Variants in SERPINA12 observed in about 807,000 individuals in gnomAD.
SERPINA12 encodes serpin family A member 12.
A neutral mutation model predicts 25.9 loss-of-function variants in SERPINA12; 21 were observed. The ratio of observed to expected loss-of-function variants is 0.81; its 90% CI spans 0.58 to 1.17. The LOEUF (loss-of-function observed/expected upper bound fraction) is 1.17. Ranked by LOEUF, SERPINA12 falls within the 50% of genes most tolerant of loss-of-function variation. The pLI is 0.00. For synonymous variants in SERPINA12, 220 were observed against 196.0 expected (o/e 1.12, Z -1.02); for missense variants, 562 against 508.3 (o/e 1.11, Z -1.02).
At chr14:94,510,343 G>A (rs900989855), upstream of SERPINA12, 1 of 836,680 alleles carries the variant, frequency 1.2e-6, no homozygotes, top group Non-Finnish European at 1.4e-6. Context: ...TAAAAAAAGA[G>A]CATTTGCTCA....
At chr14:94,507,722 C>A (rs1900981113) in intron 1 of SERPINA12, among the ~76,000 whole-genome samples, 1 of 152,152 alleles carries the variant, frequency 6.6e-6, no homozygotes, top group Admixed American at 6.5e-5. Context: ...GTGGAACTCT[C>A]TTATATTGCG....
At chr14:94,515,901 G>A (rs1901220900) in exon 2 of SERPINA12, 2 of 152,312 alleles carry the variant, frequency 1.3e-5, no homozygotes, top group South Asian at 4.2e-4. Flanking sequence ...CCACTTCCTG[G>A]GATATTTGGA....
chr14:94,494,215 C>T (rs995966758), intron 3 of SERPINA12, among the ~76,000 whole-genome samples: 1 of 152,218 alleles, frequency 6.6e-6, no homozygotes, highest in African/African-American at 2.4e-5. Flanking sequence ...GTTCTACACC[C>T]CCCAGTTCCC....
At chr14:94,510,089 A>G (rs1353119005), upstream of SERPINA12, 1 of 985,278 alleles carries the variant, frequency 1.0e-6, no homozygotes, top group Admixed American at 6.1e-5. Context: ...TGGGTACCAG[A>G]CATAGGTGAC....
chr14:94,505,020 C>T (rs776591300), intron 1 of SERPINA12, among the ~76,000 whole-genome samples: 3 of 152,226 alleles, frequency 2.0e-5, no homozygotes, highest in Non-Finnish European at 4.4e-5. Flanking sequence ...ATAAGCTCAA[C>T]ATGCCTATCT....
At chr14:94,492,007 G>A (rs1158675334) in intron 3 of SERPINA12, among the ~76,000 whole-genome samples, 1 of 152,222 alleles carries the variant, frequency 6.6e-6, no homozygotes, top group Non-Finnish European at 1.5e-5. Flanking sequence ...ACTCACCTCT[G>A]AGACCTGGAG....
intron 1 of SERPINA12, among the ~76,000 whole-genome samples, chr14:94,507,055 C>T (rs1046622408): frequency 6.6e-6 from 1 of 152,170 alleles, no homozygotes; most frequent in African/African-American, 2.4e-5. Context: ...AAAGGATGAT[C>T]CTTTCAATGA....
rs71129685 is a variant in SERPINA12, at chr14:94,495,064, C to CTT, written c.905+1307_905+1308dup. The stretch of plus-strand genomic sequence containing the variant: ...GCATTCGGAATCAGAATTTCCCTTT[C>CTT]TTTTTTTTTTTTTTTTTTTTTTGAG... On this transcript the variant is annotated intron_variant, in intron 3 of 4. Transcript: ENST00000677451. Among the ~76,000 whole-genome samples the CTT allele has an allele frequency of 5.5e-3, 536 of 98,178 alleles. 19 individuals are homozygous for CTT. Among genetic ancestry groups the CTT allele is most frequent in the East Asian group, 0.039 (122 of 3,154 alleles). 64.4% of individuals were successfully genotyped at this position (98,178 alleles called of 152,430 possible).
At chr14:94,514,489 T>C (rs1901183050) in intron 2 of SERPINA12, among the ~76,000 whole-genome samples, 2 of 152,158 alleles carry the variant, frequency 1.3e-5, no homozygotes, top group Non-Finnish European at 2.9e-5. Flanking sequence ...GAGAACAACC[T>C]TAGAACTCAA....
At chr14:94,494,384 C>A (rs1156905041) in intron 3 of SERPINA12, among the ~76,000 whole-genome samples, 2 of 152,220 alleles carry the variant, frequency 1.3e-5, no homozygotes, top group Non-Finnish European at 2.9e-5. Context: ...TCACACGGAA[C>A]ATGGCTTGGA....
intron 4 of SERPINA12, among the ~76,000 whole-genome samples, chr14:94,488,249 G>A (rs193119661): frequency 1.3e-5 from 2 of 152,204 alleles, no homozygotes; most frequent in Admixed American, 6.5e-5. Context: ...TTATGTCAAC[G>A]TGAAAAATAC....
intron 3 of SERPINA12, among the ~76,000 whole-genome samples, chr14:94,491,285 G>GA (rs1203196967): frequency 7.2e-5 from 11 of 152,092 alleles, no homozygotes; most frequent in African/African-American, 2.7e-4. Context: ...AAGTGCTATG[G>GA]AAAAAAATAA....
chr14:94,495,261 G>A (rs1900364267), intron 3 of SERPINA12, among the ~76,000 whole-genome samples: 1 of 151,304 alleles, frequency 6.6e-6, no homozygotes, highest in Non-Finnish European at 1.5e-5. Flanking sequence ...GTAGAGACAG[G>A]GTTTCACCGT....
upstream of SERPINA12, among the ~76,000 whole-genome samples, chr14:94,512,652 T>C (rs1901140180): frequency 6.6e-6 from 1 of 152,120 alleles, no homozygotes; most frequent in African/African-American, 2.4e-5. Flanking sequence ...AGGAGGACAA[T>C]TCTTGCCTCT....
intron 3 of SERPINA12, among the ~76,000 whole-genome samples, chr14:94,493,111 T>C (rs1386860760): frequency 6.6e-6 from 1 of 152,214 alleles, no homozygotes; most frequent in Non-Finnish European, 1.5e-5. Context: ...AAAGAATGCA[T>C]AGGGATAGCC....
At chr14:94,497,737 TC>T in intron 2 of SERPINA12, 26 bp downstream of exon 2, 1 of 1,573,198 alleles carries the variant, frequency 6.4e-7, no homozygotes, top group Non-Finnish European at 8.6e-7. Context: ...TCCTATTCTT[TC>T]CACACCAACA....
upstream of SERPINA12, among the ~76,000 whole-genome samples, chr14:94,514,469 G>A (rs977360559): frequency 2.0e-5 from 3 of 152,244 alleles, no homozygotes; most frequent in African/African-American, 7.2e-5. Flanking sequence ...GTTATGGCTG[G>A]TGGAGGTGGG....
chr14:94,489,908 G>C, intron 3 of SERPINA12, 141 bp from the exon 4 acceptor site: 1 of 819,650 alleles, frequency 1.2e-6, no homozygotes, highest in Non-Finnish European at 1.9e-6. Flanking sequence ...ATGAGGAGGG[G>C]CTCCTTAACC....
upstream of SERPINA12, chr14:94,511,586 C>T (rs571688469): frequency 4.2e-5 from 41 of 985,396 alleles, no homozygotes; most frequent in Non-Finnish European, 4.5e-5. Context: ...GAACAGGAAC[C>T]GACACCACCT....
Sources: gnomAD v4.1 joint callset for allele counts (sites outside exome capture counted in the v4.1 genomes callset) on GRCh38, gnomAD v4.1.1 for gene constraint, MANE v1.5 for transcripts, NCBI Gene and HGNC (gene_info 2026-07-23, HGNC 2026-07-21) for gene names.